SPOPL: variants seen among roughly 807,000 people sequenced by gnomAD.
SPOPL encodes the protein speckle type BTB/POZ protein like, also known as speckle-type POZ protein-like.
SPOPL carries 23 observed loss-of-function variants against 53.8 expected under a neutral mutation model. That is an observed-to-expected ratio of 0.43 (90% CI 0.31 to 0.61). The LOEUF (loss-of-function observed/expected upper bound fraction) is 0.61, where lower values mean the gene tolerates loss of function less well. Ranked by LOEUF, SPOPL falls within the 20% of genes least tolerant of loss-of-function variation. SPOPL has a pLI of 0.12. For missense variants in SPOPL, 442 were observed against 466.9 expected (o/e 0.95, Z 0.49); for synonymous variants, 164 against 149.7 (o/e 1.10, Z -0.70).
chr2:138,573,290 A>T lies in SPOPL; in HGVS notation c.*4210A>T, dbSNP rs1047061598. On this transcript the variant is annotated 3_prime_UTR_variant, in exon 11 of 11. Transcript: ENST00000280098. ...ACATACTCTTCTTTTTCAGGTTGGT[A>T]TGATGCTTTGCAAAAGAGCCATGTA... 1 of 152,174 alleles carries T rather than the reference A, an allele frequency of 6.6e-6. No homozygotes were observed. The highest frequency in any genetic ancestry group is 2.4e-5 in the African/African-American group (1 of 41,456). The allele number at this position is 152,174 out of a possible 1,614,324, so 9.4% of individuals were successfully genotyped here.
chr2:138,550,856 T>TC, intron 3 of SPOPL, 47 bp from the exon 4 acceptor site: 2 of 1,335,236 alleles, frequency 1.5e-6, no homozygotes, highest in Non-Finnish European at 2.1e-6. Flanking sequence ...TCTCGAATGC[T>TC]TTTCAAGTAT....
chr2:138,525,308 T>G (rs2104867766), intron 1 of SPOPL, among the ~76,000 whole-genome samples: 1 of 152,236 alleles, frequency 6.6e-6, no homozygotes, highest in East Asian at 1.9e-4. Context: ...CCCGCCCCCA[T>G]GACTCGTCTC....
chr2:138,536,742 A>T (rs1047397053), intron 1 of SPOPL, among the ~76,000 whole-genome samples: 3 of 151,802 alleles, frequency 2.0e-5, no homozygotes, highest in African/African-American at 7.3e-5. Context: ...CACAGCCTCT[A>T]CTGTTTTTCA....
At chr2:138,530,676 A>T (rs1684786816) in intron 1 of SPOPL, among the ~76,000 whole-genome samples, 2 of 152,200 alleles carry the variant, frequency 1.3e-5, no homozygotes, top group Admixed American at 1.3e-4. Context: ...ATGGATTTTT[A>T]TATGCTGACT....
At chr2:138,505,830 G>A (rs1418510281) in intron 1 of SPOPL, among the ~76,000 whole-genome samples, 1 of 151,980 alleles carries the variant, frequency 6.6e-6, no homozygotes, top group Non-Finnish European at 1.5e-5. Flanking sequence ...TCATTGTGAA[G>A]AACAAAGGCA....
intron 5 of SPOPL, 115 bp downstream of exon 5, chr2:138,552,796 A>T: frequency 8.1e-7 from 1 of 1,239,142 alleles, no homozygotes; most frequent in Non-Finnish European, 1.1e-6. Context: ...ATTGAGTTTC[A>T]TTTGTAAATT....
At chr2:138,544,139 C>G (rs1245674580) in intron 1 of SPOPL, among the ~76,000 whole-genome samples, 2 of 152,172 alleles carry the variant, frequency 1.3e-5, no homozygotes, top group Non-Finnish European at 2.9e-5. Flanking sequence ...GTCAGTCTGC[C>G]CCTACTGGGG....
intron 5 of SPOPL, among the ~76,000 whole-genome samples, chr2:138,556,525 G>T (rs908955633): frequency 6.6e-6 from 1 of 152,076 alleles, no homozygotes; most frequent in Non-Finnish European, 1.5e-5. Flanking sequence ...TGCTGTTAGG[G>T]TCTAAAGACC....
chr2:138,564,040 C>T (rs1685606860), intron 8 of SPOPL, among the ~76,000 whole-genome samples: 1 of 152,110 alleles, frequency 6.6e-6, no homozygotes, highest in African/African-American at 2.4e-5. Context: ...TTATAGAAAA[C>T]TCCAGAAAAT....
Position 138,559,216 on chromosome 2 carries a change from G to A in SPOPL, c.658+17G>A, listed in dbSNP as rs1685491959. On this transcript the variant is annotated intron_variant, in intron 6 of 10. Coordinates refer to ENST00000280098, the MANE Select transcript of SPOPL (RefSeq NM_001001664.3). The stretch of plus-strand genomic sequence containing the variant: ...TGCTTGCAGGTACTTTCTAGTTATG[G>A]GGTAATATAGTACATTTAAAAAAAT... The A allele has an allele frequency of 2.5e-6, 4 of 1,611,940 alleles. No individual in the cohort carries two copies. The highest frequency in any genetic ancestry group is 3.4e-6 in the Non-Finnish European group (4 of 1,179,090).
chr2:138,565,490 C>T (rs1685641325), intron 10 of SPOPL, among the ~76,000 whole-genome samples: 1 of 152,156 alleles, frequency 6.6e-6, no homozygotes, highest in South Asian at 2.1e-4. Context: ...CCTAGTGAAC[C>T]TGTAAGGGGT....
chr2:138,505,514 T>C (rs946156785), intron 1 of SPOPL, among the ~76,000 whole-genome samples: 3 of 147,102 alleles, frequency 2.0e-5, no homozygotes, highest in Non-Finnish European at 4.5e-5. Context: ...CCCAGCACTT[T>C]GGGAGGTCGA....
At chr2:138,561,021 T>G (rs1024701074) in intron 8 of SPOPL, 94 bp downstream of exon 8, 14 of 1,448,832 alleles carry the variant, frequency 9.7e-6, no homozygotes, top group Non-Finnish European at 1.2e-5. Context: ...TAACTCGTAT[T>G]TTGTAGATGG....
chr2:138,571,840 A>G lies in SPOPL; in HGVS notation c.*2760A>G, dbSNP rs1476058791. ...GTTTAGACCAACACTTAGAAATACT[A>G]TATTTGTGCCTTTTCATTTTTAATT... On this transcript the variant is annotated 3_prime_UTR_variant, in exon 11 of 11. Transcript: ENST00000280098. 2 of 152,594 alleles carry G rather than the reference A, an allele frequency of 1.3e-5. No homozygotes were observed. The highest frequency in any genetic ancestry group is 1.9e-4 in the East Asian group (1 of 5,198). 9.5% of individuals were successfully genotyped at this position (152,594 alleles called of 1,614,324 possible). A position where few individuals can be genotyped will look rare whatever the true frequency, so the allele number is the denominator to read the frequency against.
chr2:138,530,922 A>AGTGTGTGTGTGTGTGT (rs10673306), intron 1 of SPOPL, among the ~76,000 whole-genome samples: 22 of 147,956 alleles, frequency 1.5e-4, no homozygotes, highest in Admixed American at 2.7e-4. Context: ...CTGTAGAGTG[A>AGTGTGTGTGTGTGTGT]GTGTGTGTGT....
At chr2:138,565,489 C>A (rs772062633) in intron 10 of SPOPL, among the ~76,000 whole-genome samples, 29 of 152,110 alleles carry the variant, frequency 1.9e-4, no homozygotes, top group Non-Finnish European at 2.9e-4. Context: ...CCCTAGTGAA[C>A]CTGTAAGGGG....
At position 138,551,137 on chromosome 2, in the gene SPOPL, T is replaced by A. The variant is rs1340968265; in HGVS notation, c.352+83T>A. 13 of 1,494,064 alleles carry A rather than the reference T, an allele frequency of 8.7e-6. No individual in the cohort carries two copies. In the South Asian group the frequency reaches 1.6e-4, roughly 18 times the overall value. The allele number at this position is 1,494,064 out of a possible 1,614,324, so 92.6% of individuals were successfully genotyped here. A position where few individuals can be genotyped will look rare whatever the true frequency, so the allele number is the denominator to read the frequency against. On this transcript the variant is annotated intron_variant, in intron 4 of 10. Transcript: ENST00000280098. ...TTCTGCACCTTTACCTAGAAAAGTC[T>A]GGGACTTTTTTCTGCTAAAATCTGC...
intron 5 of SPOPL, among the ~76,000 whole-genome samples, chr2:138,553,449 T>C (rs1685356820): frequency 6.6e-6 from 1 of 152,176 alleles, no homozygotes; most frequent in Non-Finnish European, 1.5e-5. Context: ...TCAAAATGTT[T>C]AAGGCAGTTG....
chr2:138,568,880 A>T, intron 10 of SPOPL, 56 bp from the exon 11 acceptor site: 1 of 1,582,972 alleles, frequency 6.3e-7, no homozygotes, highest in South Asian at 1.1e-5. Flanking sequence ...TTAACAGTGC[A>T]ATAGTGCATT....
Sources: allele counts gnomAD v4.1 joint callset (sites outside exome capture counted in the v4.1 genomes callset), GRCh38; gene constraint gnomAD v4.1.1; transcripts MANE v1.5; gene names NCBI Gene and HGNC (gene_info 2026-07-23, HGNC 2026-07-21).